Variants in CDCP1 observed in about 807,000 individuals in gnomAD.
CDCP1 encodes CUB domain-containing protein 1.
A neutral mutation model predicts 60.2 loss-of-function variants in CDCP1; 29 were observed. The observed-to-expected ratio is 0.48, with a 90% confidence interval of 0.36 to 0.66. CDCP1 has a LOEUF of 0.66. Ranked by LOEUF, CDCP1 falls within the 30% of genes least tolerant of loss-of-function variation. The probability of loss-of-function intolerance (pLI) is 0.00; values close to 1 mark genes in which losing one functional copy is unlikely to be tolerated. For synonymous variants in CDCP1, 387 were observed against 431.1 expected (o/e 0.90, Z 1.27); for missense variants, 876 against 1,074.3 (o/e 0.82, Z 2.58).
At chr3:45,123,017 G>C (rs1294417227) in intron 1 of CDCP1, among the ~76,000 whole-genome samples, 1 of 130,792 alleles carries the variant, frequency 7.6e-6, no homozygotes, top group East Asian at 2.2e-4. Context: ...TTTTTTTTTT[G>C]GTCCATGGTG....
intron 1 of CDCP1, among the ~76,000 whole-genome samples, chr3:45,145,984 T>A (rs1313247556): frequency 6.6e-6 from 1 of 151,714 alleles, no homozygotes; most frequent in African/African-American, 2.4e-5. Flanking sequence ...CAAGGTTGAC[T>A]CCAGGAGGGC....
At chr3:45,122,939 C>T (rs928598492) in intron 1 of CDCP1, among the ~76,000 whole-genome samples, 5 of 151,880 alleles carry the variant, frequency 3.3e-5, no homozygotes, top group African/African-American at 1.2e-4. Flanking sequence ...TGATAAAGTT[C>T]TAAGCCCTAG....
At chr3:45,141,376 T>C (rs1699287662) in intron 1 of CDCP1, among the ~76,000 whole-genome samples, 1 of 152,248 alleles carries the variant, frequency 6.6e-6, no homozygotes, top group Admixed American at 6.5e-5. Flanking sequence ...GATTGGTTAA[T>C]TATACACAGG....
chr3:45,143,553 T>A (rs949472994), intron 1 of CDCP1, among the ~76,000 whole-genome samples: 4 of 152,246 alleles, frequency 2.6e-5, no homozygotes, highest in African/African-American at 9.6e-5. Flanking sequence ...ACATACACAT[T>A]AAGAAGACTG....
At chr3:45,103,079 G>T (rs1440488169) in intron 4 of CDCP1, among the ~76,000 whole-genome samples, 7 of 152,000 alleles carry the variant, frequency 4.6e-5, no homozygotes, top group Admixed American at 4.6e-4. Flanking sequence ...CCCAAAGAAA[G>T]ATCTAGAACA....
chr3:45,093,633 T>C lies in CDCP1; in HGVS notation c.1271A>G (p.Gln424Arg). The change falls in exon 6 of 9, where the codon CAA becomes CGA. Residue 424 changes from glutamine to arginine, a missense_variant. Physicochemically the swap from Gln to Arg is conservative, Grantham distance 43. Coordinates refer to ENST00000296129, the MANE Select transcript of CDCP1 (RefSeq NM_022842.5). ...TISCTDHRYC[Q>R]RKSYSLQVPS... ...CACCTGGAGTGAGTAGGATTTCCTT[T>C]GGCAGTACCGGTGGTCTGTGCAGCC... is the stretch of plus-strand genomic sequence containing the variant. 6.2e-7 allele frequency: 1 copy of C among 1,613,538 alleles called. No homozygotes were observed. The highest frequency in any genetic ancestry group is 8.5e-7 in the Non-Finnish European group (1 of 1,179,632).
intron 1 of CDCP1, among the ~76,000 whole-genome samples, chr3:45,134,253 T>C (rs1176731696): frequency 6.6e-6 from 1 of 151,988 alleles, no homozygotes; most frequent in African/African-American, 2.4e-5. Flanking sequence ...GCCTCCTGAG[T>C]AGCTGAGACT....
intron 4 of CDCP1, among the ~76,000 whole-genome samples, chr3:45,105,084 T>G (rs1384185472): frequency 6.6e-6 from 1 of 152,120 alleles, no homozygotes; most frequent in Non-Finnish European, 1.5e-5. Flanking sequence ...AGCCTGATGT[T>G]TAACCCCCAC....
intron 4 of CDCP1, among the ~76,000 whole-genome samples, chr3:45,100,128 T>A (rs970049805): frequency 1.2e-4 from 19 of 152,188 alleles, no homozygotes; most frequent in African/African-American, 4.6e-4. Context: ...GGGGAGCCCA[T>A]AACATCAATA....
intron 4 of CDCP1, among the ~76,000 whole-genome samples, chr3:45,105,515 C>T (rs944134501): frequency 1.3e-5 from 2 of 152,232 alleles, no homozygotes; most frequent in Admixed American, 6.5e-5. Context: ...ATCTGCTTGT[C>T]GTATGTGACT....
rs769492770 is a variant in CDCP1, at chr3:45,089,013, A to G, written c.2081+41T>C. ...TCCACCCAGTCTGTGTGATCTGAGG[A>G]GGCATCAAATCAGATAAAGAGAGTA... On this transcript the variant is annotated intron_variant, in intron 8 of 8. Transcript: ENST00000296129. 5.7e-6 allele frequency: 8 copies of G among 1,415,758 alleles called. No individual in the cohort carries two copies. In the South Asian group the frequency reaches 9.2e-5, roughly 16 times the overall value. 87.7% of individuals were successfully genotyped at this position (1,415,758 alleles called of 1,614,324 possible). A position where few individuals can be genotyped will look rare whatever the true frequency, so the allele number is the denominator to read the frequency against.
At chr3:45,087,757 C>T (rs564181086) in intron 8 of CDCP1, among the ~76,000 whole-genome samples, 21 of 152,142 alleles carry the variant, frequency 1.4e-4, no homozygotes, top group African/African-American at 3.4e-4. Flanking sequence ...TGGTGGCTCA[C>T]GCCTGTAATC....
Position 45,112,248 on chromosome 3 carries a change from T to C in CDCP1, c.490A>G (p.Ser164Gly). The C allele has an allele frequency of 2.5e-6, 4 of 1,614,218 alleles. No individual in the cohort carries two copies. Among genetic ancestry groups the C allele is most frequent in the Non-Finnish European group, 3.4e-6 (4 of 1,180,036 alleles). Residue 164 changes from serine to glycine, a missense_variant, in exon 3 of 9, where the codon AGC becomes GGC. Coordinates refer to ENST00000296129, the MANE Select transcript of CDCP1 (RefSeq NM_022842.5). ...ACCACGGTGGCATCGATTCGGCCGCTGATGGAGTGAGTGACTCCGTCTGGG... is the reference window on the plus strand; with the variant it reads ...ACCACGGTGGCATCGATTCGGCCGCCGATGGAGTGAGTGACTCCGTCTGGG... ...SCPDGVTHSISGRIDATVVRI... is the reference protein window; with the variant it reads ...SCPDGVTHSIGGRIDATVVRI...
rs60698062 is a variant in CDCP1, at chr3:45,085,861, C to T, written c.2288G>A (p.Arg763Gln). The T allele has an allele frequency of 9.1e-4, 1,469 of 1,614,142 alleles. 14 individuals are homozygous for T. In the African/African-American group the frequency reaches 0.016, roughly 18 times the overall value. ...GACCCCCATGGTGCCCTGGAACGGC[C>T]GGTAGGTGTCCACCTCTGGCTGCAG... ...SFLQPEVDTY[R>Q]PFQGTMGVCP... is the part of the protein sequence containing the mutation. The change falls in exon 9 of 9, where the codon CGG (arginine) becomes CAG (glutamine). Residue 763 changes from arginine to glutamine, a missense_variant. Around this residue, in one of 2 missense-constraint regions of CDCP1, gnomAD observed 726 missense variants for 935.7 expected, o/e 0.78. Transcript: ENST00000296129. The surrounding 1 kb of genome is among the most constrained non-coding windows in gnomAD (Gnocchi z 4.2).
intron 2 of CDCP1, among the ~76,000 whole-genome samples, chr3:45,114,902 G>A (rs910846271): frequency 1.3e-5 from 2 of 152,176 alleles, no homozygotes; most frequent in African/African-American, 4.8e-5. Context: ...CAAAAGTTGT[G>A]AGCATGGGTT....
intron 4 of CDCP1, among the ~76,000 whole-genome samples, chr3:45,099,590 T>C (rs1336935077): frequency 2.0e-5 from 3 of 152,160 alleles, no homozygotes; most frequent in Non-Finnish European, 4.4e-5. Flanking sequence ...CTTCCCTCTA[T>C]TTTTTCTCTG....
chr3:45,128,155 C>G (rs772122880), intron 1 of CDCP1, among the ~76,000 whole-genome samples: 1 of 152,200 alleles, frequency 6.6e-6, no homozygotes. Flanking sequence ...AAGAAAGGAC[C>G]TGGGGAGTGA....
Position 45,085,853 on chromosome 3 carries a change from G to T in CDCP1, c.2296C>A (p.Gln766Lys). The change falls in exon 9 of 9, where the codon CAG becomes AAG. Residue 766 changes from glutamine to lysine, a missense_variant. Gln to Lys is a moderately conservative substitution (Grantham distance 53). Transcript: ENST00000296129. The surrounding 1 kb of genome is among the most constrained non-coding windows in gnomAD (Gnocchi z 4.2). ...GGAGGACAGACCCCCATGGTGCCCT[G>T]GAACGGCCGGTAGGTGTCCACCTCT... is the stretch of plus-strand genomic sequence containing the variant. Reference protein sequence around the residue: ...QPEVDTYRPFQGTMGVCPPSP... With the variant: ...QPEVDTYRPFKGTMGVCPPSP... 6.2e-7 allele frequency: 1 copy of T among 1,614,154 alleles called. No individual in the cohort carries two copies. The highest frequency in any genetic ancestry group is 1.3e-5 in the African/African-American group (1 of 75,046).
At position 45,110,658 on chromosome 3, in the gene CDCP1, C is replaced by T. The variant is rs559743984; in HGVS notation, c.839G>A (p.Arg280Gln). The change falls in exon 4 of 9, where the codon CGG becomes CAG. Residue 280 changes from arginine (R) to glutamine (Q), a missense_variant. Around this residue, in one of 2 missense-constraint regions of CDCP1, gnomAD observed 726 missense variants for 935.7 expected, o/e 0.78. Transcript: ENST00000296129. ...NLSNCERKEE[R>Q]VEYYIPGSTT... ...GGAGCCCGGGATGTAGTATTCAACC[C>T]GCTCCTCCTTCCTCTCACAGTTGGA... The T allele has an allele frequency of 2.7e-5, 43 of 1,614,116 alleles. No homozygotes were observed. The highest frequency in any genetic ancestry group is 4.0e-5 in the African/African-American group (3 of 75,004).
Sources: allele counts gnomAD v4.1 joint callset (sites outside exome capture counted in the v4.1 genomes callset), GRCh38; gene constraint gnomAD v4.1.1; regional missense constraint gnomAD v4.1.1; non-coding constraint Gnocchi (gnomAD v3.1); transcripts MANE v1.5; gene names NCBI Gene and HGNC (gene_info 2026-07-23, HGNC 2026-07-21).